Variants in MACROD2 observed in about 807,000 individuals in gnomAD.
MACROD2 encodes ADP-ribose glycohydrolase MACROD2.
In MACROD2, 36 loss-of-function variants were observed where a neutral mutation model predicts 70.4. The ratio of observed to expected loss-of-function variants is 0.51; its 90% CI spans 0.39 to 0.68. The LOEUF is 0.68. Ranked by LOEUF, MACROD2 falls within the 30% of genes least tolerant of loss-of-function variation. The probability of loss-of-function intolerance (pLI) is 0.00; values close to 1 mark genes in which losing one functional copy is unlikely to be tolerated. For synonymous variants in MACROD2, 172 were observed against 178.8 expected, an observed-to-expected ratio of 0.96 and a Z score of 0.30; for missense variants, 496 against 538.4, an observed-to-expected ratio of 0.92 and a Z score of 0.78.
chr20:14,977,307 T>TC (rs1298864214), intron 5 of MACROD2, among the ~76,000 whole-genome samples: 2 of 151,828 alleles, frequency 1.3e-5, no homozygotes, highest in Non-Finnish European at 2.9e-5. Flanking sequence ...ATTTTTTTTT[T>TC]TTTTTTTTTT....
chr20:14,159,702 G>A (rs2055155776), intron 3 of MACROD2, among the ~76,000 whole-genome samples: 1 of 151,944 alleles, frequency 6.6e-6, no homozygotes, highest in East Asian at 1.9e-4. Flanking sequence ...TTTCCAATTT[G>A]GATGTCTTTT....
At chr20:15,583,773 A>G (rs1401650319) in intron 8 of MACROD2, among the ~76,000 whole-genome samples, 1 of 152,126 alleles carries the variant, frequency 6.6e-6, no homozygotes, top group Non-Finnish European at 1.5e-5. Flanking sequence ...CCTCCCAAGT[A>G]GGTGAGATTA....
chr20:14,838,985 G>A (rs2073059420), intron 5 of MACROD2, among the ~76,000 whole-genome samples: 1 of 152,074 alleles, frequency 6.6e-6, no homozygotes, highest in Non-Finnish European at 1.5e-5. Context: ...GAAGCCATAT[G>A]CTGTGGGTCA....
intron 3 of MACROD2, among the ~76,000 whole-genome samples, chr20:14,366,823 G>T (rs2122734481): frequency 6.6e-6 from 1 of 152,160 alleles, no homozygotes; most frequent in African/African-American, 2.4e-5. Context: ...GCATGTAGTT[G>T]TATCAAGTTA....
At chr20:14,408,519 A>G (rs2083714960) in intron 3 of MACROD2, among the ~76,000 whole-genome samples, 1 of 152,064 alleles carries the variant, frequency 6.6e-6, no homozygotes, top group South Asian at 2.1e-4. Flanking sequence ...TGTTTTCCAC[A>G]TGTCTTTAAA....
chr20:14,108,897 G>A (rs541802368), intron 3 of MACROD2, among the ~76,000 whole-genome samples: 33 of 152,058 alleles, frequency 2.2e-4, no homozygotes, highest in African/African-American at 7.2e-4. Context: ...GACTTAACCC[G>A]CACTATAGAC....
intron 3 of MACROD2, among the ~76,000 whole-genome samples, chr20:14,244,829 C>A (rs570816888): frequency 6.6e-6 from 1 of 152,298 alleles, no homozygotes; most frequent in Admixed American, 6.5e-5. Context: ...CATGAAATAA[C>A]CCTGACCTTT....
intron 5 of MACROD2, among the ~76,000 whole-genome samples, chr20:14,915,319 G>A (rs918781865): frequency 2.0e-5 from 3 of 152,110 alleles, no homozygotes; most frequent in South Asian, 4.1e-4. Context: ...TCAAAAGATC[G>A]CCACCAAATA....
At chr20:15,147,986 T>G (rs1006977814) in intron 5 of MACROD2, among the ~76,000 whole-genome samples, 53 of 152,222 alleles carry the variant, frequency 3.5e-4, no homozygotes, top group African/African-American at 9.6e-4. Flanking sequence ...CGGCCATCTC[T>G]ATGTGTATGT....
intron 3 of MACROD2, among the ~76,000 whole-genome samples, chr20:14,148,203 C>A (rs2054967430): frequency 6.6e-6 from 1 of 152,104 alleles, no homozygotes; most frequent in South Asian, 2.1e-4. Flanking sequence ...GGATTATCTA[C>A]CCTTTGTTTA....
At chr20:14,229,399 AAAGT>A (rs1158273419) in intron 3 of MACROD2, among the ~76,000 whole-genome samples, 2 of 152,248 alleles carry the variant, frequency 1.3e-5, no homozygotes, top group Non-Finnish European at 2.9e-5. Context: ...ACTCAAGTAA[AAAGT>A]AAGGGAAAGA....
chr20:15,881,684 C>T (rs1404738601), intron 9 of MACROD2, among the ~76,000 whole-genome samples: 1 of 152,028 alleles, frequency 6.6e-6, no homozygotes, highest in African/African-American at 2.4e-5. Context: ...ATAATCATGA[C>T]CTTGGGGCCT....
chr20:15,349,494 C>T (rs6043228), intron 6 of MACROD2, among the ~76,000 whole-genome samples: 27,312 of 151,984 alleles, frequency 0.18, 2,709 homozygotes, highest in Non-Finnish European at 0.23. Flanking sequence ...TGGTGGCTCA[C>T]GCCTGTAATC....
chr20:14,242,942 C>G (rs990113620), intron 3 of MACROD2, among the ~76,000 whole-genome samples: 2 of 152,092 alleles, frequency 1.3e-5, no homozygotes, highest in Non-Finnish European at 2.9e-5. Flanking sequence ...TAAAAGTAAC[C>G]TCTTCCCATC....
At chr20:14,934,739 T>C (rs1468861769) in intron 5 of MACROD2, among the ~76,000 whole-genome samples, 1 of 152,052 alleles carries the variant, frequency 6.6e-6, no homozygotes, top group Non-Finnish European at 1.5e-5. Context: ...GTGACCAAGA[T>C]TGTACCACTG....
intron 8 of MACROD2, among the ~76,000 whole-genome samples, chr20:15,617,409 A>T (rs1367763352): frequency 6.6e-6 from 1 of 152,208 alleles, no homozygotes; most frequent in Non-Finnish European, 1.5e-5. Context: ...AGGCCAATAA[A>T]GTTTATGAAC....
intron 6 of MACROD2, among the ~76,000 whole-genome samples, chr20:15,285,075 A>G (rs1242620480): frequency 6.6e-6 from 1 of 152,184 alleles, no homozygotes; most frequent in African/African-American, 2.4e-5. Context: ...AAAACTTGGA[A>G]ATAGGTAAAA....
intron 8 of MACROD2, among the ~76,000 whole-genome samples, chr20:15,587,926 G>T (rs2048624780): frequency 6.6e-6 from 1 of 152,182 alleles, no homozygotes; most frequent in Admixed American, 6.5e-5. Context: ...GGGGTCTGGA[G>T]GATGGTGGCC....
chr20:14,643,219 T>C (rs1016016343), intron 4 of MACROD2, among the ~76,000 whole-genome samples: 1 of 152,204 alleles, frequency 6.6e-6, no homozygotes, highest in Non-Finnish European at 1.5e-5. Flanking sequence ...ATGGAAATTC[T>C]GGAGCCCCCA....
Sources: gnomAD v4.1 joint callset for allele counts (sites outside exome capture counted in the v4.1 genomes callset) on GRCh38, gnomAD v4.1.1 for gene constraint, MANE v1.5 for transcripts, NCBI Gene and HGNC (gene_info 2026-07-23, HGNC 2026-07-21) for gene names.